UBE2R2: variants seen among roughly 807,000 people sequenced by gnomAD.
UBE2R2 encodes the protein ubiquitin-conjugating enzyme E2 R2.
UBE2R2 carries 1 observed loss-of-function variant against 27.8 expected under a neutral mutation model. The observed-to-expected ratio is 0.04, with a 90% confidence interval of 0.01 to 0.17. The LOEUF (loss-of-function observed/expected upper bound fraction) is 0.17. UBE2R2 is among the 10% of genes least tolerant of loss of function. The probability of loss-of-function intolerance (pLI) is 1.00; values close to 1 mark genes in which losing one functional copy is unlikely to be tolerated. For missense variants in UBE2R2, 100 were observed against 291.0 expected (o/e 0.34, Z 4.78); for synonymous variants, 106 against 113.3 (o/e 0.94, Z 0.41).
At chr9:33,872,293 T>G (rs1000049227) in intron 1 of UBE2R2, among the ~76,000 whole-genome samples, 1 of 151,082 alleles carries the variant, frequency 6.6e-6, no homozygotes, top group Non-Finnish European at 1.5e-5. Flanking sequence ...TTTGGGAGGC[T>G]GAGGCAGGAG....
At chr9:33,885,766 T>C (rs1821840335) in intron 1 of UBE2R2, among the ~76,000 whole-genome samples, 1 of 152,194 alleles carries the variant, frequency 6.6e-6, no homozygotes, top group African/African-American at 2.4e-5. Context: ...GGTTATTTTC[T>C]GGAATTCTGA....
rs766121277 is a variant in UBE2R2 at position 33,920,322 on chromosome 9, G to A, written c.*3085G>A. On this transcript the variant is annotated 3_prime_UTR_variant, in exon 5 of 5. Transcript: ENST00000263228. ...GGATTTTGTGTTGACTTCCCCTTTA[G>A]TGGTTTATTTTGTCTTTTTCTGCCC... 1.3e-5 allele frequency: 2 copies of A among 152,160 alleles called. No homozygotes were observed. Among genetic ancestry groups the A allele is most frequent in the Non-Finnish European group, 2.9e-5 (2 of 68,018 alleles). 9.4% of individuals were successfully genotyped at this position (152,160 alleles called of 1,614,324 possible).
chr9:33,909,761 A>G (rs1822444473), intron 3 of UBE2R2, among the ~76,000 whole-genome samples: 1 of 152,066 alleles, frequency 6.6e-6, no homozygotes, highest in South Asian at 2.1e-4. Context: ...AAATCCAGAA[A>G]GCTCTTGAGG....
intron 1 of UBE2R2, 48 bp from the exon 2 acceptor site, chr9:33,886,833 A>G: frequency 1.4e-6 from 2 of 1,464,958 alleles, no homozygotes; most frequent in Non-Finnish European, 1.8e-6. Flanking sequence ...TAGGCAGATG[A>G]ATAAGTTATA....
In UBE2R2 at chr9:33,917,293, G is replaced by T; in HGVS notation, c.*56G>T. 1 of 1,601,514 alleles carries T rather than the reference G, an allele frequency of 6.2e-7. No homozygotes were observed. The highest frequency in any genetic ancestry group is 8.5e-7 in the Non-Finnish European group (1 of 1,174,974). ...GCCATCTCAGGCCAAAGGGAGGGGA[G>T]CAAGTGGGGACCTGGCCATGGCCCC... On this transcript the variant is annotated 3_prime_UTR_variant, in exon 5 of 5. Transcript: ENST00000263228.
chr9:33,873,144 C>A (rs1473066940), intron 1 of UBE2R2, among the ~76,000 whole-genome samples: 2 of 141,648 alleles, frequency 1.4e-5, no homozygotes, highest in African/African-American at 5.2e-5. Flanking sequence ...CACTGCACTG[C>A]TGCCTGAGCG....
chr9:33,862,918 A>AT (rs1192417973), intron 1 of UBE2R2, among the ~76,000 whole-genome samples: 1 of 152,184 alleles, frequency 6.6e-6, no homozygotes, highest in Admixed American at 6.6e-5. Flanking sequence ...TAAAGAAAGT[A>AT]TACCAGCATG....
chr9:33,884,134 G>A (rs969973095), intron 1 of UBE2R2, among the ~76,000 whole-genome samples: 3 of 141,966 alleles, frequency 2.1e-5, no homozygotes, highest in African/African-American at 7.7e-5. Context: ...GTCTAGCCTG[G>A]GTGACTGACA....
At chr9:33,881,898 C>T (rs998325565) in intron 1 of UBE2R2, among the ~76,000 whole-genome samples, 6 of 152,110 alleles carry the variant, frequency 3.9e-5, no homozygotes, top group African/African-American at 1.4e-4. Context: ...AGCCCACACT[C>T]TAGGAAAGGG....
intron 1 of UBE2R2, among the ~76,000 whole-genome samples, chr9:33,855,180 A>C (rs543578626): frequency 3.9e-5 from 6 of 152,286 alleles, no homozygotes; most frequent in African/African-American, 1.4e-4. Flanking sequence ...TTAGCAGTAC[A>C]TACTGCCCCT....
Position 33,823,416 on chromosome 9 carries a change from C to T in UBE2R2, c.177+5482C>T, listed in dbSNP as rs142995791. On this transcript the variant is annotated intron_variant, in intron 1 of 4. Coordinates refer to ENST00000263228, the MANE Select transcript of UBE2R2 (RefSeq NM_017811.4). Reference sequence around the variant, plus strand: ...TCCTAGATGGAGTCTTGCTCTGTTGCGCAGGCTGAAGTGCAGTGGCGCGAT... The same window carrying T: ...TCCTAGATGGAGTCTTGCTCTGTTGTGCAGGCTGAAGTGCAGTGGCGCGAT... Among the ~76,000 whole-genome samples, 493 of 152,068 alleles carry T rather than the reference C, an allele frequency of 3.2e-3. 3 individuals carry two copies. Among genetic ancestry groups the T allele is most frequent in the Non-Finnish European group, 5.1e-3 (347 of 68,002 alleles).
chr9:33,842,336 G>A (rs1228020642), intron 1 of UBE2R2, among the ~76,000 whole-genome samples: 6 of 152,162 alleles, frequency 3.9e-5, no homozygotes, highest in Admixed American at 2.0e-4. Context: ...GGGAGGTTGC[G>A]GCTGCAGTGA....
At chr9:33,841,175 C>T (rs192143325) in intron 1 of UBE2R2, among the ~76,000 whole-genome samples, 27 of 152,022 alleles carry the variant, frequency 1.8e-4, no homozygotes, top group African/African-American at 4.6e-4. Flanking sequence ...CTCTGCCTCC[C>T]GGGTTCAAGC....
chr9:33,835,715 C>T (rs1281081925), intron 1 of UBE2R2, among the ~76,000 whole-genome samples: 1 of 150,592 alleles, frequency 6.6e-6, no homozygotes, highest in East Asian at 2.0e-4. Context: ...GATCCCGTTT[C>T]TACAAAAAAA....
intron 1 of UBE2R2, among the ~76,000 whole-genome samples, chr9:33,831,565 C>T (rs1587429031): frequency 6.6e-6 from 1 of 152,196 alleles, no homozygotes; most frequent in South Asian, 2.1e-4. Context: ...TATAGGCATG[C>T]ATCACCACAC....
chr9:33,886,420 G>A (rs529218365), intron 1 of UBE2R2, among the ~76,000 whole-genome samples: 131 of 152,238 alleles, frequency 8.6e-4, no homozygotes, highest in Non-Finnish European at 1.6e-3. Flanking sequence ...ACTTTGGGAG[G>A]CCGAGGCAGG....
At chr9:33,832,912 G>A (rs779342024) in intron 1 of UBE2R2, among the ~76,000 whole-genome samples, 2 of 151,940 alleles carry the variant, frequency 1.3e-5, no homozygotes, top group African/African-American at 2.4e-5. Context: ...GACCACAGCA[G>A]GGCAGTTTTT....
Position 33,875,261 on chromosome 9 carries a change from C to T in UBE2R2, c.178-11620C>T, listed in dbSNP as rs1296693016. On this transcript the variant is annotated intron_variant, in intron 1 of 4. Transcript: ENST00000263228. ...AATATCCAGTCAATGTTTACATTTC[C>T]CTTGTTCTCATAAATTTAGTTTGTT... Among the ~76,000 whole-genome samples the T allele has an allele frequency of 2.6e-5, 4 of 152,108 alleles. No homozygotes were observed. The East Asian group carries it at 5.8e-4, about 22-fold the overall frequency.
chr9:33,908,647 A>G (rs1822417397), intron 3 of UBE2R2, among the ~76,000 whole-genome samples: 1 of 152,202 alleles, frequency 6.6e-6, no homozygotes, highest in Non-Finnish European at 1.5e-5. Flanking sequence ...TTTGTTAGAT[A>G]TGGATGATTT....
Sources: allele counts gnomAD v4.1 joint callset (sites outside exome capture counted in the v4.1 genomes callset), GRCh38; gene constraint gnomAD v4.1.1; transcripts MANE v1.5; gene names NCBI Gene and HGNC (gene_info 2026-07-23, HGNC 2026-07-21).